Variants in CLVS2 observed in about 807,000 individuals in gnomAD.
CLVS2 encodes clavesin-2.
A neutral mutation model predicts 29.0 loss-of-function variants in CLVS2; 19 were observed. That is an observed-to-expected ratio of 0.66 (90% confidence interval 0.46 to 0.96). The LOEUF (loss-of-function observed/expected upper bound fraction) is 0.96, where lower values mean the gene tolerates loss of function less well. Ranked by LOEUF, CLVS2 falls within the 40% of genes least tolerant of loss-of-function variation. The pLI is 0.00. For synonymous variants in CLVS2, 161 were observed against 151.3 expected, an observed-to-expected ratio of 1.06 and a Z score of -0.47; for missense variants, 294 against 404.1, an observed-to-expected ratio of 0.73 and a Z score of 2.34.
chr6:123,024,653 T>C (rs1386337058), intron 3 of CLVS2, among the ~76,000 whole-genome samples: 1 of 152,120 alleles, frequency 6.6e-6, no homozygotes, highest in Non-Finnish European at 1.5e-5. Context: ...TCAGGATAAG[T>C]AGTCATCAAA....
intron 3 of CLVS2, among the ~76,000 whole-genome samples, chr6:123,019,766 A>G (rs1288506464): frequency 6.6e-6 from 1 of 152,106 alleles, no homozygotes; most frequent in Non-Finnish European, 1.5e-5. Flanking sequence ...TTATGCAGTT[A>G]TGGAGGCTGA....
intron 3 of CLVS2, among the ~76,000 whole-genome samples, chr6:123,033,013 C>G (rs946047798): frequency 1.3e-5 from 2 of 151,772 alleles, no homozygotes; most frequent in Non-Finnish European, 2.9e-5. Flanking sequence ...TTTTTTTCTG[C>G]TAATTTTTCT....
At chr6:123,004,404 T>C (rs1023554382) in intron 2 of CLVS2, among the ~76,000 whole-genome samples, 2 of 152,202 alleles carry the variant, frequency 1.3e-5, no homozygotes, top group African/African-American at 4.8e-5. Flanking sequence ...AGACATCTAA[T>C]CTTCTGTGCT....
At chr6:123,060,629 A>G (rs1005569654) in intron 5 of CLVS2, among the ~76,000 whole-genome samples, 2 of 152,228 alleles carry the variant, frequency 1.3e-5, no homozygotes, top group African/African-American at 4.8e-5. Context: ...CAAAGTAGCA[A>G]TGCTAATATC....
intron 3 of CLVS2, among the ~76,000 whole-genome samples, chr6:123,017,315 A>G (rs1774851606): frequency 6.6e-6 from 1 of 152,104 alleles, no homozygotes; most frequent in Non-Finnish European, 1.5e-5. Context: ...TTTTAAGCTT[A>G]AGGCAGCATT....
intron 4 of CLVS2, among the ~76,000 whole-genome samples, chr6:123,052,223 G>A (rs923409664): frequency 2.6e-5 from 4 of 152,118 alleles, no homozygotes; most frequent in African/African-American, 4.8e-5. Context: ...GTATTAAATA[G>A]GTTTACCAAG....
chr6:123,020,485 T>C (rs1337726655), intron 3 of CLVS2, among the ~76,000 whole-genome samples: 1 of 152,046 alleles, frequency 6.6e-6, no homozygotes, highest in African/African-American at 2.4e-5. Flanking sequence ...ATAAGACATT[T>C]TTAAAAATGA....
rs1772953019 is a variant in CLVS2 at position 123,071,751 on chromosome 6, A to G, written c.*7990A>G. 1 of 152,016 alleles carries G rather than the reference A, an allele frequency of 6.6e-6. No homozygotes were observed. The highest frequency in any genetic ancestry group is 2.1e-4 in the South Asian group (1 of 4,836). 9.4% of individuals were successfully genotyped at this position (152,016 alleles called of 1,614,324 possible). ...AATGAGGAAGTATTTTGGTGTTTCTAAGGTCTTTCCATGATCTTGAAATCT... is the reference window on the plus strand; with the variant it reads ...AATGAGGAAGTATTTTGGTGTTTCTGAGGTCTTTCCATGATCTTGAAATCT... On this transcript the variant is annotated 3_prime_UTR_variant, in exon 6 of 6. Transcript: ENST00000275162.
Position 123,064,912 on chromosome 6 carries a change from CT to C in CLVS2, c.*1153del, listed in dbSNP as rs1333964013. On this transcript the variant is annotated 3_prime_UTR_variant, in exon 6 of 6. Coordinates refer to ENST00000275162, the MANE Select transcript of CLVS2 (RefSeq NM_001010852.4). ...TAATGCAATCTTACATATGTGCCAT[CT>C]TATTTGAACTATATTTTTCCTTCAA... 5 of 151,916 alleles carry C rather than the reference CT, an allele frequency of 3.3e-5. No homozygotes were observed. In the Middle Eastern group the frequency reaches 0.01, roughly 310 times the overall value. 9.4% of individuals were successfully genotyped at this position (151,916 alleles called of 1,614,324 possible).
intron 4 of CLVS2, among the ~76,000 whole-genome samples, chr6:123,049,027 A>G (rs1339835762): frequency 6.6e-6 from 1 of 152,176 alleles, no homozygotes; most frequent in East Asian, 1.9e-4. Context: ...CCATGTTACT[A>G]TAGTGTTATT....
rs1772831821 is a variant in CLVS2, at chr6:123,064,964, T to C, written c.*1203T>C. ...AGAAGCAATAGGTCTCAACATAGTG[T>C]AGGTAGCATCAGGTGACAGAAAGCC... On this transcript the variant is annotated 3_prime_UTR_variant, in exon 6 of 6. Transcript: ENST00000275162. 1.3e-5 allele frequency: 2 copies of C among 151,978 alleles called. No homozygotes were observed. The highest frequency in any genetic ancestry group is 6.6e-5 in the Admixed American group (1 of 15,224). The allele number at this position is 151,978 out of a possible 1,614,324, so 9.4% of individuals were successfully genotyped here.
chr6:123,046,103 T>C (rs1410901521), intron 3 of CLVS2, among the ~76,000 whole-genome samples: 1 of 152,076 alleles, frequency 6.6e-6, no homozygotes, highest in African/African-American at 2.4e-5. Flanking sequence ...AAGGGCTACG[T>C]TCTTGTTTTG....
At chr6:123,023,173 G>C (rs1473276269) in intron 3 of CLVS2, among the ~76,000 whole-genome samples, 71 of 152,022 alleles carry the variant, frequency 4.7e-4, no homozygotes, top group Admixed American at 4.7e-3. Flanking sequence ...CAGCACCATG[G>C]AGAGCTCTCT....
intron 3 of CLVS2, among the ~76,000 whole-genome samples, chr6:123,023,358 C>T (rs1445061517): frequency 3.9e-5 from 6 of 152,042 alleles, no homozygotes; most frequent in African/African-American, 9.7e-5. Context: ...AAGCTTCTCC[C>T]TACAGGAGTG....
At chr6:123,062,347 A>G (rs1350652302) in intron 5 of CLVS2, among the ~76,000 whole-genome samples, 1 of 152,078 alleles carries the variant, frequency 6.6e-6, no homozygotes, top group Admixed American at 6.6e-5. Flanking sequence ...AAGTGACACA[A>G]AATCTCTATT....
At chr6:123,043,248 C>T (rs892467523) in intron 3 of CLVS2, among the ~76,000 whole-genome samples, 2 of 152,074 alleles carry the variant, frequency 1.3e-5, no homozygotes, top group Non-Finnish European at 2.9e-5. Flanking sequence ...GTGTCTTCCT[C>T]TGGTTGGTAA....
chr6:123,009,755 T>A (rs973207337), intron 2 of CLVS2, among the ~76,000 whole-genome samples: 1 of 152,106 alleles, frequency 6.6e-6, no homozygotes, highest in Non-Finnish European at 1.5e-5. Context: ...ACATCTTCCA[T>A]AAAATTTCTC....
rs368962646 is a variant in CLVS2, at chr6:123,050,851, A to G, written c.675+2119A>G. Among the ~76,000 whole-genome samples the G allele has an allele frequency of 4.6e-5, 7 of 152,316 alleles. No individual in the cohort carries two copies. The East Asian group carries it at 7.7e-4, about 17-fold the overall frequency. ...TGTTGAAAAAGACTGAAGAGGATCA[A>G]TTCTGGGAAACAAGGAGTGCACTGC... On this transcript the variant is annotated intron_variant, in intron 4 of 5. Transcript: ENST00000275162.
intron 5 of CLVS2, among the ~76,000 whole-genome samples, chr6:123,056,909 T>G (rs1052105105): frequency 3.3e-5 from 5 of 152,208 alleles, no homozygotes; most frequent in Admixed American, 6.5e-5. Flanking sequence ...GTTTTAATCT[T>G]TATAGAGTTC....
Sources: gnomAD v4.1 joint callset for allele counts (sites outside exome capture counted in the v4.1 genomes callset) on GRCh38, gnomAD v4.1.1 for gene constraint, MANE v1.5 for transcripts, NCBI Gene and HGNC (gene_info 2026-07-23, HGNC 2026-07-21) for gene names.